The following AKAP6 variants were observed in gnomAD, a reference collection of about 807,000 sequenced individuals.
AKAP6 encodes A-kinase anchor protein 6.
Under a neutral mutation model 188.5 loss-of-function variants are expected in AKAP6, and 58 were observed. The ratio of observed to expected loss-of-function variants is 0.31; its 90% confidence interval spans 0.25 to 0.38. The LOEUF is 0.38. AKAP6 is among the 10% of genes least tolerant of loss of function. The probability of loss-of-function intolerance (pLI) is 1.00; values close to 1 mark genes in which losing one functional copy is unlikely to be tolerated. For synonymous variants in AKAP6, 989 were observed against 998.6 expected (o/e 0.99, Z 0.18); for missense variants, 2,710 against 2,740.0 (o/e 0.99, Z 0.24).
At chr14:32,603,979 CGTT>C (rs1405329554) in intron 7 of AKAP6, among the ~76,000 whole-genome samples, 2 of 151,892 alleles carry the variant, frequency 1.3e-5, no homozygotes, top group Non-Finnish European at 1.5e-5. Flanking sequence ...AAATAGGTGA[CGTT>C]GGGCTAAGGG....
chr14:32,365,716 T>A (rs914538277), intron 1 of AKAP6, among the ~76,000 whole-genome samples: 4 of 152,104 alleles, frequency 2.6e-5, no homozygotes, highest in African/African-American at 7.2e-5. Context: ...CAGCAGCCAG[T>A]CCAAACTTTG....
intron 2 of AKAP6, among the ~76,000 whole-genome samples, chr14:32,523,278 G>C (rs1881949274): frequency 6.6e-6 from 1 of 152,088 alleles, no homozygotes; most frequent in African/African-American, 2.4e-5. Flanking sequence ...GTATACATAT[G>C]TAACAAACCT....
chr14:32,693,984 G>A (rs1043030061), intron 8 of AKAP6, among the ~76,000 whole-genome samples: 6 of 152,052 alleles, frequency 3.9e-5, no homozygotes, highest in Non-Finnish European at 8.8e-5. Context: ...TATAGTGGTC[G>A]GGTTTTGTTT....
At chr14:32,641,731 T>C (rs1887766473) in intron 7 of AKAP6, among the ~76,000 whole-genome samples, 1 of 152,210 alleles carries the variant, frequency 6.6e-6, no homozygotes, top group South Asian at 2.1e-4. Flanking sequence ...AAGGCCAGTT[T>C]ATTTGAGGAA....
chr14:32,652,063 C>T (rs1211231019), intron 7 of AKAP6, among the ~76,000 whole-genome samples: 3 of 152,050 alleles, frequency 2.0e-5, no homozygotes, highest in Admixed American at 6.5e-5. Context: ...TCTACATCTT[C>T]GGTTTAGTGT....
At chr14:32,441,326 T>C (rs1025353344) in intron 2 of AKAP6, among the ~76,000 whole-genome samples, 1 of 152,214 alleles carries the variant, frequency 6.6e-6, no homozygotes, top group Non-Finnish European at 1.5e-5. Context: ...TAAGACTATT[T>C]GGTATCATCA....
chr14:32,750,581 A>G (rs1256859451), intron 11 of AKAP6, among the ~76,000 whole-genome samples: 2 of 151,918 alleles, frequency 1.3e-5, no homozygotes, highest in South Asian at 2.1e-4. Flanking sequence ...ATTGTGCTCA[A>G]TTATCTAAGT....
At chr14:32,776,909 C>G (rs1462716898) in intron 12 of AKAP6, among the ~76,000 whole-genome samples, 1 of 152,134 alleles carries the variant, frequency 6.6e-6, no homozygotes, top group Non-Finnish European at 1.5e-5. Context: ...GCTACACAGA[C>G]AGGGCGCACC....
chr14:32,486,903 A>C (rs1294871708), intron 2 of AKAP6, among the ~76,000 whole-genome samples: 1 of 152,166 alleles, frequency 6.6e-6, no homozygotes, highest in East Asian at 1.9e-4. Context: ...CTGGTTTTCA[A>C]AGGGAATGCT....
intron 3 of AKAP6, among the ~76,000 whole-genome samples, chr14:32,544,105 T>G (rs909001484): frequency 2.0e-5 from 3 of 152,192 alleles, no homozygotes; most frequent in Non-Finnish European, 4.4e-5. Flanking sequence ...AAGCCAGATC[T>G]GGGAAAACCT....
chr14:32,344,050 A>G (rs1359842043), intron 1 of AKAP6, among the ~76,000 whole-genome samples: 2 of 152,196 alleles, frequency 1.3e-5, no homozygotes, highest in African/African-American at 2.4e-5. Flanking sequence ...TGGCTGTTGT[A>G]TTCCCCAAGG....
At chr14:32,496,679 A>G (rs923980544) in intron 2 of AKAP6, among the ~76,000 whole-genome samples, 25 of 152,148 alleles carry the variant, frequency 1.6e-4, no homozygotes, top group Non-Finnish European at 3.2e-4. Context: ...CATATTGTTA[A>G]TGTATTGCAG....
rs80350308 is a variant in AKAP6, at chr14:32,694,617, G to A, written c.2880-1373G>A. Among the ~76,000 whole-genome samples the A allele has an allele frequency of 2.2e-3, 328 of 152,166 alleles. 9 individuals are homozygous for A. In the East Asian group the frequency reaches 0.053, roughly 25 times the overall value. On this transcript the variant is annotated intron_variant, in intron 8 of 13. Transcript: ENST00000280979. The stretch of plus-strand genomic sequence containing the variant: ...AAACATTTATTAATAAACTCCACAT[G>A]TTAGCCAATGTTGATGCTTGCCCTT...
intron 2 of AKAP6, among the ~76,000 whole-genome samples, chr14:32,499,308 A>G (rs919894506): frequency 6.1e-5 from 9 of 147,864 alleles, no homozygotes; most frequent in Non-Finnish European, 1.0e-4. Flanking sequence ...AAAACACATG[A>G]TAAAAAATAA....
At chr14:32,536,272 G>C (rs1225823672) in intron 3 of AKAP6, among the ~76,000 whole-genome samples, 2 of 152,130 alleles carry the variant, frequency 1.3e-5, no homozygotes, top group East Asian at 1.9e-4. Context: ...AATTCAGATG[G>C]GAGGCTTTCC....
intron 3 of AKAP6, among the ~76,000 whole-genome samples, chr14:32,538,631 G>C (rs1594722388): frequency 6.6e-6 from 1 of 152,044 alleles, no homozygotes; most frequent in African/African-American, 2.4e-5. Context: ...AACACTTGAA[G>C]GCAAAGCTCA....
chr14:32,343,161 C>T (rs1457384428), intron 1 of AKAP6, among the ~76,000 whole-genome samples: 1 of 152,154 alleles, frequency 6.6e-6, no homozygotes, highest in African/African-American at 2.4e-5. Context: ...CCCCCACTAG[C>T]TCTGTGCCCA....
intron 7 of AKAP6, among the ~76,000 whole-genome samples, chr14:32,647,128 A>G (rs139164752): frequency 3.9e-5 from 6 of 152,254 alleles, no homozygotes; most frequent in Middle Eastern, 3.4e-3. Context: ...TTTAAATACC[A>G]GGAATAGTAG....
rs116988064 is a variant in AKAP6, at chr14:32,371,555, C to T, written c.-35+42147C>T. Among the ~76,000 whole-genome samples the T allele has an allele frequency of 3.0e-3, 457 of 152,244 alleles. 15 individuals carry two copies. In the East Asian group the frequency reaches 0.065, roughly 22 times the overall value. Reference sequence around the variant, plus strand: ...CCAGAAGTTTGAGGCTGCAGAGTTACGATCATTGCACTCCAGCCTGGGTGA... The same window carrying T: ...CCAGAAGTTTGAGGCTGCAGAGTTATGATCATTGCACTCCAGCCTGGGTGA... On this transcript the variant is annotated intron_variant, in intron 1 of 13. Transcript: ENST00000280979.
Sources: gnomAD v4.1 joint callset for allele counts (sites outside exome capture counted in the v4.1 genomes callset) on GRCh38, gnomAD v4.1.1 for gene constraint, MANE v1.5 for transcripts, NCBI Gene and HGNC (gene_info 2026-07-23, HGNC 2026-07-21) for gene names.